PKD1L1: variants seen among roughly 807,000 people sequenced by gnomAD.
PKD1L1 encodes the protein polycystin 1 like 1, transient receptor potential channel interacting.
PKD1L1 carries 236 observed loss-of-function variants against 323.4 expected under a neutral mutation model. That is an observed-to-expected ratio of 0.73 (90% CI 0.66 to 0.81). PKD1L1 has a LOEUF of 0.81. Ranked by LOEUF, PKD1L1 falls within the 40% of genes least tolerant of loss-of-function variation. PKD1L1 has a pLI of 0.00. For synonymous variants in PKD1L1, 1,344 were observed against 1,335.0 expected, an observed-to-expected ratio of 1.01 and a Z score of -0.15; for missense variants, 3,320 against 3,508.0, an observed-to-expected ratio of 0.95 and a Z score of 1.35.
rs1786536706 is a variant in PKD1L1, at chr7:47,775,029, C to G, written c.*114G>C. ...ACGTGAACTGGAAAAATTAACAAAACTTCTTCGTACCTCAGCTCTTCTCAC... is the reference window on the plus strand; with the variant it reads ...ACGTGAACTGGAAAAATTAACAAAAGTTCTTCGTACCTCAGCTCTTCTCAC... On this transcript the variant is annotated 3_prime_UTR_variant, in exon 57 of 57. Coordinates refer to ENST00000289672, the MANE Select transcript of PKD1L1 (RefSeq NM_138295.5). 8.6e-7 allele frequency: 1 copy of G among 1,161,470 alleles called. No individual in the cohort carries two copies. Among genetic ancestry groups the G allele is most frequent in the African/African-American group, 1.6e-5 (1 of 63,794 alleles). The allele number at this position is 1,161,470 out of a possible 1,614,324, so 71.9% of individuals were successfully genotyped here.
At position 47,898,137 on chromosome 7, in the gene PKD1L1, C is replaced by T; in HGVS notation, c.2122G>A (p.Asp708Asn). 1 of 1,614,162 alleles carries T rather than the reference C, an allele frequency of 6.2e-7. No homozygotes were observed. The highest frequency in any genetic ancestry group is 8.5e-7 in the Non-Finnish European group (1 of 1,180,042). Residue 708 changes from aspartate to asparagine, a missense_variant, in exon 14 of 57, where the codon GAT becomes AAT. Physicochemically the swap from Asp to Asn is conservative, Grantham distance 23 (BLOSUM62 1). Transcript: ENST00000289672. ...GVTFEAAVFC[D>N]ISQGLSYTWN... Reference sequence around the variant, plus strand: ...GTGTAAGAAAGACCTTGGGAAATATCACAGAAGACTGCAGCTTCAAACGTC... The same window carrying T: ...GTGTAAGAAAGACCTTGGGAAATATTACAGAAGACTGCAGCTTCAAACGTC...
At chr7:47,935,926 C>T (rs763945660) in intron 4 of PKD1L1, among the ~76,000 whole-genome samples, 12 of 152,164 alleles carry the variant, frequency 7.9e-5, no homozygotes, top group Admixed American at 1.3e-4. Flanking sequence ...AAAGTCGCAT[C>T]GGTGAAAACA....
chr7:47,803,179 G>A, intron 53 of PKD1L1, 31 bp downstream of exon 53: 1 of 1,613,504 alleles, frequency 6.2e-7, no homozygotes, highest in Non-Finnish European at 8.5e-7. Flanking sequence ...GTTTACAAGG[G>A]AAATCACCTG....
intron 26 of PKD1L1, among the ~76,000 whole-genome samples, chr7:47,861,658 G>A (rs182578762): frequency 1.7e-4 from 26 of 152,112 alleles, no homozygotes; most frequent in Admixed American, 1.0e-3. Flanking sequence ...CAAGGCGGGC[G>A]GATCACAAGG....
intron 24 of PKD1L1, 60 bp from the exon 25 acceptor site, chr7:47,866,674 G>T: frequency 7.1e-7 from 1 of 1,416,334 alleles, no homozygotes; most frequent in Non-Finnish European, 9.7e-7. Context: ...TTTTCACCCT[G>T]ACTACCAAGA....
Position 47,813,198 on chromosome 7 carries a change from C to T in PKD1L1, c.7269G>A (p.Glu2423=). 1 of 1,614,214 alleles carries T rather than the reference C, an allele frequency of 6.2e-7. No homozygotes were observed. Among genetic ancestry groups the T allele is most frequent in the Non-Finnish European group, 8.5e-7 (1 of 1,180,030 alleles). The change falls in exon 49 of 57, where the codon GAG becomes GAA. Residue 2423 remains glutamate (E), a synonymous_variant. Transcript: ENST00000289672. ...GPENPYLIDP[E]NQNVTLNGPG... ...GACCATTCAGGGTCACGTTTTGGTT[C>T]TCTGGGTCTATCAGGTAGGGGTTCT...
In PKD1L1 at chr7:47,811,702, C is replaced by T. The variant is rs181964535; in HGVS notation, c.7581+115G>A. The stretch of plus-strand genomic sequence containing the variant: ...AAGGGGATGTGACAAAGAGTGTGAC[C>T]GGAGGGGCAGGTGAATGGGTAGGGA... On this transcript the variant is annotated intron_variant, in intron 50 of 56. Transcript: ENST00000289672. 223 of 782,026 alleles carry T rather than the reference C, an allele frequency of 2.9e-4. No individual in the cohort carries two copies. In the African/African-American group the frequency reaches 3.4e-3, roughly 12 times the overall value. The allele number at this position is 782,026 out of a possible 1,614,324, so 48.4% of individuals were successfully genotyped here.
intron 25 of PKD1L1, among the ~76,000 whole-genome samples, chr7:47,865,940 T>C (rs1031453547): frequency 1.3e-4 from 20 of 152,116 alleles, no homozygotes; most frequent in African/African-American, 2.9e-4. Flanking sequence ...AGAAAAAAAT[T>C]ACATCAAGTG....
Position 47,893,895 on chromosome 7 carries a change from G to T in PKD1L1, c.2436C>A (p.Asp812Glu), listed in dbSNP as rs765948320. 6.2e-7 allele frequency: 1 copy of T among 1,613,502 alleles called. No homozygotes were observed. The highest frequency in any genetic ancestry group is 8.5e-7 in the Non-Finnish European group (1 of 1,179,908). ...GTGCTCACCTGAGAGTCGCCCCAGGGTCGTCAGGGTCGAAGGACTGGGTCC... is the reference window on the plus strand; with the variant it reads ...GTGCTCACCTGAGAGTCGCCCCAGGTTCGTCAGGGTCGAAGGACTGGGTCC... ...LRGTQSFDPD[D>E]PGATLRYHWE... is the part of the protein sequence containing the mutation. Residue 812 changes from aspartate (D) to glutamate (E), a missense_variant, in exon 15 of 57, where the codon GAC becomes GAA. Physicochemically the swap from Asp to Glu is conservative, Grantham distance 45 (BLOSUM62 2). Transcript: ENST00000289672.
chr7:47,880,280 A>ATTTTTTTTTTTTT lies in PKD1L1; in HGVS notation c.3520+447_3520+448insAAAAAAAAAAAAA, dbSNP rs1380647150. Among the ~76,000 whole-genome samples, 102 of 71,498 alleles carry ATTTTTTTTTTTTT rather than the reference A, an allele frequency of 1.4e-3. 6 individuals are homozygous for ATTTTTTTTTTTTT. Among genetic ancestry groups the ATTTTTTTTTTTTT allele is most frequent in the African/African-American group, 2.8e-3 (37 of 13,324 alleles). 46.9% of individuals were successfully genotyped at this position (71,498 alleles called of 152,430 possible). ...TATATATATACATATATATATATAT[A>ATTTTTTTTTTTTT]TATATTTTTTTTTTTTTTTTTGAGA... On this transcript the variant is annotated intron_variant, in intron 21 of 56. Transcript: ENST00000289672.
chr7:47,831,201 A>G lies in PKD1L1; in HGVS notation c.6473+16T>C, dbSNP rs1372465517. The G allele has an allele frequency of 1.2e-6, 2 of 1,603,086 alleles. No individual in the cohort carries two copies. Among genetic ancestry groups the G allele is most frequent in the Non-Finnish European group, 1.7e-6 (2 of 1,175,908 alleles). On this transcript the variant is annotated intron_variant, in intron 42 of 56. Transcript: ENST00000289672. The stretch of plus-strand genomic sequence containing the variant: ...ATCTGAGGACCTGAGGATGTTTGAA[A>G]AACTCTACAGCTCACCTGTAGGCTA...
intron 31 of PKD1L1, among the ~76,000 whole-genome samples, chr7:47,849,483 A>T (rs1785734092): frequency 6.6e-6 from 1 of 152,174 alleles, no homozygotes; most frequent in African/African-American, 2.4e-5. Context: ...ATTCATAAGG[A>T]ACTCAAACAA....
At chr7:47,890,835 C>T (rs909060) in intron 15 of PKD1L1, 72 bp from the exon 16 acceptor site, 20,750 of 1,378,156 alleles carry the variant, frequency 0.015, 742 homozygotes, top group African/African-American at 0.14. Context: ...TGTCACTGCA[C>T]GGGTTTTCCC....
intron 16 of PKD1L1, among the ~76,000 whole-genome samples, chr7:47,888,757 G>A (rs1786743091): frequency 1.3e-5 from 2 of 152,134 alleles, no homozygotes; most frequent in Admixed American, 1.3e-4. Flanking sequence ...CCTTGGGCCT[G>A]CATTCCATGG....
At chr7:47,928,716 C>CA (rs1233849433) in intron 7 of PKD1L1, among the ~76,000 whole-genome samples, 2 of 152,110 alleles carry the variant, frequency 1.3e-5, no homozygotes, top group Non-Finnish European at 2.9e-5. Flanking sequence ...AGAATGGGTC[C>CA]AACGCTGGAA....
upstream of PKD1L1, among the ~76,000 whole-genome samples, chr7:47,952,197 AAAAG>A (rs1207634982): frequency 6.6e-6 from 1 of 152,218 alleles, no homozygotes; most frequent in Admixed American, 6.5e-5. Context: ...AGTTGTGGTG[AAAAG>A]AAAGAAAAAT....
At chr7:47,846,813 C>T in intron 32 of PKD1L1, 66 bp downstream of exon 32, 5 of 1,473,906 alleles carry the variant, frequency 3.4e-6, no homozygotes, top group Non-Finnish European at 4.6e-6. Flanking sequence ...AGGGGTTGGG[C>T]CAAATGCAGA....
At chr7:47,885,075 G>A (rs1201355648) in intron 18 of PKD1L1, among the ~76,000 whole-genome samples, 1 of 152,164 alleles carries the variant, frequency 6.6e-6, no homozygotes, top group Non-Finnish European at 1.5e-5. Context: ...TGCTGCAAAT[G>A]TCGCCTCCTG....
chr7:47,887,449 C>T (rs1416299862), intron 17 of PKD1L1, among the ~76,000 whole-genome samples: 1 of 152,186 alleles, frequency 6.6e-6, no homozygotes. Flanking sequence ...GACACCAGTG[C>T]CCAGCACGCT....
Sources: gnomAD v4.1 joint callset for allele counts (sites outside exome capture counted in the v4.1 genomes callset) on GRCh38, gnomAD v4.1.1 for gene constraint, MANE v1.5 for transcripts, NCBI Gene and HGNC (gene_info 2026-07-23, HGNC 2026-07-21) for gene names.